ATL3: variants seen among roughly 807,000 people sequenced by gnomAD.
ATL3 encodes atlastin-3.
Under a neutral mutation model 69.5 loss-of-function variants are expected in ATL3, and 49 were observed. That is an observed-to-expected ratio of 0.71 (90% CI 0.56 to 0.89). The LOEUF (loss-of-function observed/expected upper bound fraction) is 0.89, where lower values mean the gene tolerates loss of function less well. Ranked by LOEUF, ATL3 falls within the 40% of genes least tolerant of loss-of-function variation. The pLI, the probability that ATL3 is intolerant of heterozygous loss-of-function variation, is 0.00. For synonymous variants in ATL3, 214 were observed against 224.1 expected, an observed-to-expected ratio of 0.95 and a Z score of 0.40; for missense variants, 606 against 645.7, an observed-to-expected ratio of 0.94 and a Z score of 0.67.
intron 1 of ATL3, 39 bp downstream of exon 1, chr11:63,671,251 G>C (rs1371171198): frequency 3.2e-6 from 5 of 1,553,024 alleles, no homozygotes; most frequent in Non-Finnish European, 4.3e-6. Flanking sequence ...AGGCGGCGGG[G>C]GTGGCCGCGG....
chr11:63,671,735 C>G (rs998641302), upstream of ATL3: 6 of 1,228,280 alleles, frequency 4.9e-6, no homozygotes, highest in African/African-American at 8.2e-5. Flanking sequence ...TCATCTGGGG[C>G]GGGGCTTGGC....
chr11:63,625,302 G>C lies in ATL3; in HGVS notation c.*4017C>G, dbSNP rs1272615872. The C allele has an allele frequency of 6.6e-6, 1 of 152,038 alleles. No individual in the cohort carries two copies. The highest frequency in any genetic ancestry group is 1.5e-5 in the Non-Finnish European group (1 of 68,010). 9.4% of individuals were successfully genotyped at this position (152,038 alleles called of 1,614,324 possible). A position where few individuals can be genotyped will look rare whatever the true frequency, so the allele number is the denominator to read the frequency against. Reference sequence around the variant, plus strand: ...TAAGCCAGAATGACACAGCCATGTTGACAACTTGAGATGGAAGATCAAATC... The same window carrying C: ...TAAGCCAGAATGACACAGCCATGTTCACAACTTGAGATGGAAGATCAAATC... On this transcript the variant is annotated 3_prime_UTR_variant, in exon 13 of 13. Transcript: ENST00000398868.
chr11:63,656,078 G>C (rs1940235573), intron 3 of ATL3, among the ~76,000 whole-genome samples: 1 of 151,908 alleles, frequency 6.6e-6, no homozygotes. Context: ...CAAAAACTTA[G>C]CCGGGCGTGG....
intron 1 of ATL3, among the ~76,000 whole-genome samples, chr11:63,663,033 C>T (rs1437959833): frequency 1.3e-5 from 2 of 152,196 alleles, no homozygotes; most frequent in Non-Finnish European, 2.9e-5. Flanking sequence ...AACAGTTTGA[C>T]TGCAAGACTC....
intron 1 of ATL3, among the ~76,000 whole-genome samples, chr11:63,663,720 T>A (rs1212572474): frequency 6.6e-6 from 1 of 152,200 alleles, no homozygotes; most frequent in Admixed American, 6.5e-5. Flanking sequence ...TGTGTAGCAC[T>A]CAAAGAAATA....
chr11:63,665,207 T>C (rs1940538261), intron 1 of ATL3, among the ~76,000 whole-genome samples: 1 of 151,958 alleles, frequency 6.6e-6, no homozygotes, highest in African/African-American at 2.4e-5. Context: ...TAGCTGGGCG[T>C]GGTGGCACAT....
rs565172791 is a variant in ATL3 at position 63,629,099 on chromosome 11, A to G, written c.*220T>C. On this transcript the variant is annotated 3_prime_UTR_variant, in exon 13 of 13. Coordinates refer to ENST00000398868, the MANE Select transcript of ATL3 (RefSeq NM_015459.5). ...TGAAAATAGACACAGGCTTGCATCT[A>G]TAACAGCAAGGAAAAGAAATGCTTC... 15 of 546,484 alleles carry G rather than the reference A, an allele frequency of 2.7e-5. No individual in the cohort carries two copies. Among genetic ancestry groups the G allele is most frequent in the Non-Finnish European group, 3.9e-5 (12 of 305,102 alleles). 33.9% of individuals were successfully genotyped at this position (546,484 alleles called of 1,614,324 possible).
In ATL3 at chr11:63,656,986, C is replaced by A. The variant is rs768274576; in HGVS notation, c.405+1775G>T. On this transcript the variant is annotated intron_variant, in intron 3 of 12. Coordinates refer to ENST00000398868, the MANE Select transcript of ATL3 (RefSeq NM_015459.5). ...CAGCACTTTGGGAGGCTGAGACAGGCGGATCACGAGGTCAGGAGTTCCAGA... is the reference window on the plus strand; with the variant it reads ...CAGCACTTTGGGAGGCTGAGACAGGAGGATCACGAGGTCAGGAGTTCCAGA... Among the ~76,000 whole-genome samples the A allele has an allele frequency of 5.5e-4, 83 of 151,644 alleles. 1 individual carries two copies. The highest frequency in any genetic ancestry group is 1.8e-4 in the Non-Finnish European group (12 of 67,916).
chr11:63,632,485 G>C (rs1259655351), intron 11 of ATL3: 1 of 859,472 alleles, frequency 1.2e-6, no homozygotes, highest in Non-Finnish European at 2.0e-6. Context: ...AACTGGTTTG[G>C]AAGGAGACAA....
intron 3 of ATL3, among the ~76,000 whole-genome samples, chr11:63,653,188 C>T (rs750623986): frequency 6.6e-6 from 1 of 151,980 alleles, no homozygotes; most frequent in African/African-American, 2.4e-5. Context: ...AAAATTAGGC[C>T]AGGCGCAGTG....
intron 5 of ATL3, among the ~76,000 whole-genome samples, chr11:63,649,733 T>C (rs752498210): frequency 9.9e-5 from 15 of 151,990 alleles, no homozygotes; most frequent in Non-Finnish European, 5.9e-5. Context: ...AGACAGGGTT[T>C]CACCATGTTG....
chr11:63,652,499 G>A lies in ATL3; in HGVS notation c.482C>T (p.Ala161Val). ...AACAGAACTAGTCATAGTGCTTAGAGCAAAGATGGTAGCACAGTCTTTCAC... is the reference window on the plus strand; with the variant it reads ...AACAGAACTAGTCATAGTGCTTAGAACAAAGATGGTAGCACAGTCTTTCAC... ...STVKDCATIF[A>V]LSTMTSSVQI... The change falls in exon 4 of 13, where the codon GCT becomes GTT. Residue 161 changes from alanine (A) to valine (V), a missense_variant. Ala to Val is a moderately conservative substitution (Grantham distance 64). Coordinates refer to ENST00000398868, the MANE Select transcript of ATL3 (RefSeq NM_015459.5). 6.2e-7 allele frequency: 1 copy of A among 1,609,356 alleles called. No individual in the cohort carries two copies.
At chr11:63,640,967 T>C (rs1371809115) in intron 8 of ATL3, among the ~76,000 whole-genome samples, 1 of 152,206 alleles carries the variant, frequency 6.6e-6, no homozygotes, top group African/African-American at 2.4e-5. Context: ...AGTGGGATAG[T>C]GGATCAAAGG....
chr11:63,670,778 C>T (rs958732094), intron 1 of ATL3, among the ~76,000 whole-genome samples: 3 of 152,260 alleles, frequency 2.0e-5, no homozygotes, highest in Non-Finnish European at 2.9e-5. Context: ...CAAGACACTT[C>T]GCAGCCTTCC....
At chr11:63,666,240 C>A (rs564054705) in intron 1 of ATL3, among the ~76,000 whole-genome samples, 31 of 152,202 alleles carry the variant, frequency 2.0e-4, no homozygotes, top group Non-Finnish European at 4.3e-4. Flanking sequence ...CGTTTCACCA[C>A]CTTGGCCAGG....
intron 1 of ATL3, among the ~76,000 whole-genome samples, chr11:63,668,054 CCATT>C (rs1162091232): frequency 6.6e-6 from 1 of 152,156 alleles, no homozygotes; most frequent in African/African-American, 2.4e-5. Context: ...TTTATCCTTA[CCATT>C]CAAAGAGTTC....
At chr11:63,654,189 C>A (rs1940167797) in intron 3 of ATL3, among the ~76,000 whole-genome samples, 1 of 151,038 alleles carries the variant, frequency 6.6e-6, no homozygotes, top group Non-Finnish European at 1.5e-5. Context: ...GCGCTGTGGC[C>A]AGGCTGGAGT....
intron 6 of ATL3, among the ~76,000 whole-genome samples, 183 bp from the exon 7 acceptor site, chr11:63,644,444 C>T (rs1939803578): frequency 6.9e-6 from 1 of 145,492 alleles, no homozygotes. Flanking sequence ...GGCTAGAGTG[C>T]AGTGGCATGA....
In ATL3 at chr11:63,632,800, A is replaced by G. The variant is rs1590717809; in HGVS notation, c.1107+226T>C. The G allele has an allele frequency of 9.2e-6, 7 of 757,686 alleles. No homozygotes were observed. The South Asian group carries it at 1.2e-4, about 13-fold the overall frequency. The allele number at this position is 757,686 out of a possible 1,614,324, so 46.9% of individuals were successfully genotyped here. ...TTACTCCCATTGAAACTATGTACTT[A>G]CCAATAAACTATTTGCTATTCAAAA... On this transcript the variant is annotated intron_variant, in intron 11 of 12. Transcript: ENST00000398868.
Sources: gnomAD v4.1 joint callset for allele counts (sites outside exome capture counted in the v4.1 genomes callset) on GRCh38, gnomAD v4.1.1 for gene constraint, MANE v1.5 for transcripts, NCBI Gene and HGNC (gene_info 2026-07-23, HGNC 2026-07-21) for gene names.